Variants in TVP23C observed in about 807,000 individuals in gnomAD.
The protein encoded by TVP23C is Golgi apparatus membrane protein TVP23 homolog C.
In TVP23C, 19 loss-of-function variants were observed where a neutral mutation model predicts 28.7. The observed-to-expected ratio is 0.66, with a 90% CI of 0.46 to 0.97. TVP23C has a LOEUF of 0.97. Ranked by LOEUF, TVP23C falls within the 50% of genes least tolerant of loss-of-function variation. The probability of loss-of-function intolerance (pLI) is 0.00; values close to 1 mark genes in which losing one functional copy is unlikely to be tolerated. For synonymous variants in TVP23C, 68 were observed against 81.7 expected (o/e 0.83, Z 0.90); for missense variants, 186 against 241.3 (o/e 0.77, Z 1.52).
chr17:15,521,727 G>A (rs890561608), intron 5 of TVP23C, among the ~76,000 whole-genome samples: 3 of 152,216 alleles, frequency 2.0e-5, no homozygotes, highest in African/African-American at 7.2e-5. Flanking sequence ...ATGTGATTCT[G>A]TGTTAGCCAT....
chr17:15,540,624 T>C lies in TVP23C; in HGVS notation c.463-63A>G, dbSNP rs1379788821. On this transcript the variant is annotated intron_variant, in intron 5 of 5. Coordinates refer to ENST00000518321, the MANE Select transcript of TVP23C (RefSeq NM_001135036.2). Reference sequence around the variant, plus strand: ...CTGAAATTGACCTTTCTCTGTGCCATAAATGAGACAAGGCAGACTGTCATG... The same window carrying C: ...CTGAAATTGACCTTTCTCTGTGCCACAAATGAGACAAGGCAGACTGTCATG... 8.7e-6 allele frequency: 13 copies of C among 1,497,596 alleles called. No homozygotes were observed. In the East Asian group the frequency reaches 2.7e-4, roughly 31 times the overall value. 92.8% of individuals were successfully genotyped at this position (1,497,596 alleles called of 1,614,324 possible).
At chr17:15,542,665 C>A (rs548331251) in intron 5 of TVP23C, among the ~76,000 whole-genome samples, 28 of 152,114 alleles carry the variant, frequency 1.8e-4, no homozygotes, top group African/African-American at 5.5e-4. Context: ...TTAGTAGAGA[C>A]AGGGTTTCAC....
At chr17:15,542,193 G>C (rs548166760) in intron 5 of TVP23C, among the ~76,000 whole-genome samples, 1 of 152,150 alleles carries the variant, frequency 6.6e-6, no homozygotes, top group East Asian at 1.9e-4. Context: ...GGAACTTATA[G>C]AAAAGCAAAA....
chr17:15,553,697 A>G lies in TVP23C; in HGVS notation c.228T>C (p.Phe76=). The G allele has an allele frequency of 1.2e-6, 2 of 1,607,726 alleles. No homozygotes were observed. Among genetic ancestry groups the G allele is most frequent in the East Asian group, 2.2e-5 (1 of 44,688 alleles). The change falls in exon 3 of 6, where the codon TTT becomes TTC. Residue 76 remains phenylalanine, a synonymous_variant. Transcript: ENST00000518321. ...VTIILLLSCD[F]WAVKNVTGRL... ...CAATCAAAATTACCTTCACTGCCCA[A>G]AAGTCACACGACAACAACAAGATAA...
At chr17:15,502,803 CTCTCTCCTCTCTCTCTCT>C in exon 6 of TVP23C, 1 of 1,455,718 alleles carries the variant, frequency 6.9e-7, no homozygotes, top group Non-Finnish European at 9.1e-7. Context: ...CCTCTCTCCT[CTCTCTCCTCTCTCTCTCT>C]CTCTCTCTCT....
intron 5 of TVP23C, among the ~76,000 whole-genome samples, chr17:15,513,214 A>C (rs73289546): frequency 0.055 from 8,372 of 152,210 alleles, 776 homozygotes; most frequent in African/African-American, 0.19. Flanking sequence ...TCAGACTCAA[A>C]TGGCAAGGAG....
Position 15,503,134 on chromosome 17 carries a change from GCTCACGC to G in TVP23C, c.554_560del (p.Gly185AlafsTer14). On this transcript the variant is annotated frameshift_variant, in exon 6 of 6. Transcript: ENST00000225576. LOFTEE classifies it low-confidence loss of function (END_TRUNC). ...TCCTCGAGGGATGGCCCGGGCAGCG[GCTCACGC>G]CTGTTATCCCAGCGCTTTGGAAGGC... 6.2e-7 allele frequency: 1 copy of G among 1,608,530 alleles called. No homozygotes were observed. Among genetic ancestry groups the G allele is most frequent in the Admixed American group, 1.7e-5 (1 of 59,188 alleles).
intron 5 of TVP23C, among the ~76,000 whole-genome samples, chr17:15,543,125 C>T (rs923585112): frequency 2.7e-5 from 4 of 150,452 alleles, no homozygotes; most frequent in Admixed American, 6.6e-5. Flanking sequence ...AGGAAGAGAA[C>T]GCAAAACCAG....
At chr17:15,528,114 TTCTAA>T (rs1982801804) in intron 5 of TVP23C, among the ~76,000 whole-genome samples, 1 of 152,166 alleles carries the variant, frequency 6.6e-6, no homozygotes, top group African/African-American at 2.4e-5. Flanking sequence ...TTTCTTTCCT[TTCTAA>T]TCTATTATTT....
At position 15,502,786 on chromosome 17, in the gene TVP23C, C is replaced by T. The variant is rs371328935; in HGVS notation, c.*78G>A. ...TCCTTCTCCGTCACTCTCTTCCCTC[C>T]CTCTCTCCTCTCTCCTCTCTCTCCT... On this transcript the variant is annotated 3_prime_UTR_variant, in exon 6 of 6. Transcript: ENST00000225576. The T allele has an allele frequency of 4.5e-3, 6,576 of 1,462,776 alleles. 258 individuals carry two copies. The African/African-American group carries it at 0.083, about 19-fold the overall frequency. The allele number at this position is 1,462,776 out of a possible 1,614,324, so 90.6% of individuals were successfully genotyped here.
chr17:15,558,347 C>CAT (rs1348087810), intron 1 of TVP23C, among the ~76,000 whole-genome samples: 1 of 143,918 alleles, frequency 6.9e-6, no homozygotes, highest in East Asian at 2.0e-4. Flanking sequence ...TCTCTAAGAC[C>CAT]TTATCTCAGG....
intron 5 of TVP23C, among the ~76,000 whole-genome samples, chr17:15,527,631 G>T (rs1036594584): frequency 6.6e-6 from 1 of 152,074 alleles, no homozygotes; most frequent in Non-Finnish European, 1.5e-5. Context: ...ACCTCAAGAG[G>T]GTAAGTATTT....
intron 1 of TVP23C, chr17:15,563,165 A>G (rs1431553398): frequency 1.9e-6 from 1 of 527,936 alleles, no homozygotes; most frequent in African/African-American, 2.0e-5. Flanking sequence ...GGGTTGAGGA[A>G]AGAGAGACCC....
intron 5 of TVP23C, among the ~76,000 whole-genome samples, chr17:15,527,736 C>T (rs1009378836): frequency 6.6e-6 from 1 of 152,156 alleles, no homozygotes; most frequent in African/African-American, 2.4e-5. Context: ...ACTGGATCCA[C>T]AACTCAGATC....
intron 5 of TVP23C, among the ~76,000 whole-genome samples, chr17:15,527,248 G>A (rs1982766761): frequency 6.6e-6 from 1 of 152,096 alleles, no homozygotes; most frequent in Non-Finnish European, 1.5e-5. Flanking sequence ...AATACTCACT[G>A]CCCATGTTTC....
intron 5 of TVP23C, among the ~76,000 whole-genome samples, chr17:15,525,034 C>T (rs910016723): frequency 2.0e-5 from 3 of 152,260 alleles, no homozygotes; most frequent in African/African-American, 7.2e-5. Context: ...GTGTCTCTGT[C>T]TCCTGCTTTG....
chr17:15,535,154 CCATCCCA>C (rs1983104798), downstream of TVP23C, among the ~76,000 whole-genome samples: 1 of 151,302 alleles, frequency 6.6e-6, no homozygotes, highest in African/African-American at 2.4e-5. Context: ...AGACTATCTC[CCATCCCA>C]CATACTTCTT....
chr17:15,522,396 A>G (rs940690574), intron 5 of TVP23C, among the ~76,000 whole-genome samples: 13 of 152,176 alleles, frequency 8.5e-5, no homozygotes, highest in African/African-American at 2.9e-4. Flanking sequence ...CAGAAAACAC[A>G]AAGTACCCCT....
intron 5 of TVP23C, among the ~76,000 whole-genome samples, chr17:15,525,092 T>C (rs1567635086): frequency 6.6e-6 from 1 of 152,248 alleles, no homozygotes; most frequent in South Asian, 2.1e-4. Context: ...GAGAAAGTAA[T>C]GTGTGAGTTG....
Sources: allele counts gnomAD v4.1 joint callset (sites outside exome capture counted in the v4.1 genomes callset), GRCh38; gene constraint gnomAD v4.1.1; transcripts MANE v1.5; gene names NCBI Gene and HGNC (gene_info 2026-07-23, HGNC 2026-07-21).